Variants in VAT1L observed in about 807,000 individuals in gnomAD.
VAT1L encodes the protein putative NADPH-dependent quinone oxidoreductase VAT1L.
VAT1L carries 34 observed loss-of-function variants against 44.1 expected under a neutral mutation model. That is an observed-to-expected ratio of 0.77 (90% CI 0.59 to 1.03). The LOEUF is 1.03. Among genes scored for constraint, VAT1L ranks in the 50% least tolerant of loss-of-function variants. VAT1L has a pLI of 0.00. For missense variants in VAT1L, 615 were observed against 538.8 expected, an observed-to-expected ratio of 1.14 and a Z score of -1.40; for synonymous variants, 253 against 202.2, an observed-to-expected ratio of 1.25 and a Z score of -2.13.
At chr16:77,950,131 A>G (rs753931574) in intron 7 of VAT1L, among the ~76,000 whole-genome samples, 1 of 152,198 alleles carries the variant, frequency 6.6e-6, no homozygotes, top group Non-Finnish European at 1.5e-5. Flanking sequence ...AACATTGGCC[A>G]GGTGCAGTGG....
chr16:77,944,447 T>C (rs2017934080), intron 7 of VAT1L, among the ~76,000 whole-genome samples: 1 of 152,136 alleles, frequency 6.6e-6, no homozygotes, highest in African/African-American at 2.4e-5. Context: ...CATGACAGAA[T>C]AGATTTTTAA....
At chr16:77,827,049 A>C (rs1348932437) in intron 3 of VAT1L, among the ~76,000 whole-genome samples, 3 of 152,248 alleles carry the variant, frequency 2.0e-5, no homozygotes, top group African/African-American at 7.2e-5. Context: ...AGAACCATGA[A>C]GGCAAAGATA....
intron 1 of VAT1L, 55 bp from the exon 2 acceptor site, chr16:77,816,866 G>A: frequency 6.6e-7 from 1 of 1,522,056 alleles, no homozygotes; most frequent in Non-Finnish European, 8.8e-7. Context: ...CCAGGTCGGT[G>A]CTTTCTTTTG....
intron 7 of VAT1L, among the ~76,000 whole-genome samples, chr16:77,913,127 T>C (rs1313486699): frequency 1.3e-5 from 2 of 152,208 alleles, no homozygotes; most frequent in Admixed American, 6.5e-5. Context: ...CTACAAAACA[T>C]TTAGAAAGAG....
rs940276662 is a variant in VAT1L at position 77,977,827 on chromosome 16, T to C, written c.*132T>C. The C allele has an allele frequency of 3.5e-6, 3 of 863,548 alleles. No homozygotes were observed. Among genetic ancestry groups the C allele is most frequent in the Non-Finnish European group, 5.5e-6 (3 of 549,974 alleles). The allele number at this position is 863,548 out of a possible 1,614,324, so 53.5% of individuals were successfully genotyped here. ...CGTGTTTGTCTGCAGTCAGCTGAGC[T>C]AAAAAGCTGTTGATCACTGTTGTTT... On this transcript the variant is annotated 3_prime_UTR_variant, in exon 9 of 9. Transcript: ENST00000302536.
At chr16:77,949,153 G>A (rs2018009314) in intron 7 of VAT1L, among the ~76,000 whole-genome samples, 1 of 152,166 alleles carries the variant, frequency 6.6e-6, no homozygotes, top group Admixed American at 6.5e-5. Context: ...AATACTGTAG[G>A]GAGATGATGA....
chr16:77,931,080 G>T (rs1303058299), intron 7 of VAT1L, among the ~76,000 whole-genome samples: 2 of 152,144 alleles, frequency 1.3e-5, no homozygotes, highest in Non-Finnish European at 2.9e-5. Context: ...GTTAGTGGTG[G>T]ACCTGCAATT....
chr16:77,895,905 G>A (rs377198), intron 7 of VAT1L, among the ~76,000 whole-genome samples: 152,061 of 152,286 alleles, frequency 1, 75,921 homozygotes, highest in Middle Eastern at 1. Flanking sequence ...TATAAGCAGG[G>A]AACGAAGCCT....
intron 7 of VAT1L, among the ~76,000 whole-genome samples, chr16:77,966,040 C>G (rs981253809): frequency 6.6e-6 from 1 of 151,890 alleles, no homozygotes; most frequent in Admixed American, 6.6e-5. Context: ...ACAGTCCCCC[C>G]CAAAAAAGCG....
In VAT1L at chr16:77,895,701, T is replaced by G. The variant is rs574044505; in HGVS notation, c.1077+10899T>G. ...ATAAATTTTTGTAGTTTTATGTAAA[T>G]TTGAGTTAATTTATTGTAGCAACAA... On this transcript the variant is annotated intron_variant, in intron 7 of 8. Transcript: ENST00000302536. Among the ~76,000 whole-genome samples the G allele has an allele frequency of 2.6e-5, 4 of 152,338 alleles. No individual in the cohort carries two copies. The South Asian group carries it at 6.2e-4, about 24-fold the overall frequency.
At chr16:77,849,961 A>G (rs2016792623) in intron 3 of VAT1L, among the ~76,000 whole-genome samples, 2 of 152,202 alleles carry the variant, frequency 1.3e-5, no homozygotes, top group South Asian at 4.1e-4. Context: ...TTTGAAATGG[A>G]ATTGTTGATC....
intron 7 of VAT1L, among the ~76,000 whole-genome samples, chr16:77,940,406 C>T (rs1289324673): frequency 6.9e-6 from 1 of 143,940 alleles, no homozygotes; most frequent in African/African-American, 2.6e-5. Context: ...TGCAGCGGCA[C>T]AGTCTTGGCT....
chr16:77,799,614 A>G (rs561694781), intron 1 of VAT1L, among the ~76,000 whole-genome samples: 7 of 151,702 alleles, frequency 4.6e-5, no homozygotes, highest in African/African-American at 1.7e-4. Context: ...GAGAGCAATT[A>G]CCAGAAAGAG....
intron 3 of VAT1L, among the ~76,000 whole-genome samples, chr16:77,848,566 C>G (rs1444139053): frequency 2.0e-5 from 3 of 152,156 alleles, no homozygotes; most frequent in African/African-American, 7.2e-5. Flanking sequence ...ATCTCCTTTA[C>G]TCCTTACACC....
intron 4 of VAT1L, among the ~76,000 whole-genome samples, chr16:77,873,792 C>A (rs76141230): frequency 6.6e-6 from 1 of 152,084 alleles, no homozygotes; most frequent in Non-Finnish European, 1.5e-5. Flanking sequence ...TGAGAAGGAG[C>A]CAGCTCTAAG....
intron 3 of VAT1L, among the ~76,000 whole-genome samples, chr16:77,845,765 C>T (rs761651156): frequency 2.0e-5 from 3 of 152,164 alleles, no homozygotes; most frequent in Non-Finnish European, 4.4e-5. Flanking sequence ...TGGCAAGTTT[C>T]TATTCACCAT....
chr16:77,790,278 G>C (rs1375923493), intron 1 of VAT1L, among the ~76,000 whole-genome samples: 2 of 152,162 alleles, frequency 1.3e-5, no homozygotes, highest in Non-Finnish European at 1.5e-5. Flanking sequence ...GGGGAATTCC[G>C]GGTAAGGGAA....
intron 1 of VAT1L, among the ~76,000 whole-genome samples, chr16:77,794,422 C>T (rs895460817): frequency 1.1e-4 from 16 of 152,196 alleles, no homozygotes; most frequent in African/African-American, 3.4e-4. Context: ...AACACCCATG[C>T]TGATTAAACA....
At chr16:77,922,147 G>T (rs996044184) in intron 7 of VAT1L, among the ~76,000 whole-genome samples, 3 of 152,028 alleles carry the variant, frequency 2.0e-5, no homozygotes, top group African/African-American at 7.3e-5. Flanking sequence ...TTTCATAAAT[G>T]AAGAATCTCT....
Sources: allele counts gnomAD v4.1 joint callset (sites outside exome capture counted in the v4.1 genomes callset), GRCh38; gene constraint gnomAD v4.1.1; transcripts MANE v1.5; gene names NCBI Gene and HGNC (gene_info 2026-07-23, HGNC 2026-07-21).